COLEC12: variants seen among roughly 807,000 people sequenced by gnomAD.
The protein encoded by COLEC12 is collectin-12.
Under a neutral mutation model 71.1 loss-of-function variants are expected in COLEC12, and 33 were observed. The observed-to-expected ratio is 0.46, with a 90% confidence interval of 0.35 to 0.62. The LOEUF (loss-of-function observed/expected upper bound fraction) is 0.62. COLEC12 is among the 20% of genes least tolerant of loss of function. The pLI, the probability that COLEC12 is intolerant of heterozygous loss-of-function variation, is 0.00. For missense variants in COLEC12, 765 were observed against 916.1 expected (o/e 0.84, Z 2.13); for synonymous variants, 350 against 353.0 (o/e 0.99, Z 0.10).
At chr18:429,524 G>A (rs1249382105) in intron 2 of COLEC12, among the ~76,000 whole-genome samples, 2 of 152,056 alleles carry the variant, frequency 1.3e-5, no homozygotes, top group Admixed American at 1.3e-4. Flanking sequence ...TGGGATTACA[G>A]GTGCCTGCCA....
intron 1 of COLEC12, among the ~76,000 whole-genome samples, chr18:488,335 C>T (rs539571947): frequency 5.9e-5 from 9 of 151,388 alleles, no homozygotes; most frequent in South Asian, 2.1e-4. Flanking sequence ...CACTTGAACC[C>T]GGGAGGCGGA....
chr18:407,308 T>G (rs940206371), intron 2 of COLEC12, among the ~76,000 whole-genome samples: 2 of 152,108 alleles, frequency 1.3e-5, no homozygotes, highest in African/African-American at 2.4e-5. Context: ...ACAGAACCAA[T>G]AGGTAGTGTA....
At chr18:466,283 T>G (rs9946246) in intron 2 of COLEC12, among the ~76,000 whole-genome samples, 57,930 of 151,966 alleles carry the variant, frequency 0.38, 11,847 homozygotes, top group South Asian at 0.59. Context: ...AATGGTTACA[T>G]AGACCAACCC....
chr18:496,539 A>G (rs1261328667), intron 1 of COLEC12, among the ~76,000 whole-genome samples: 1 of 152,222 alleles, frequency 6.6e-6, no homozygotes, highest in Non-Finnish European at 1.5e-5. Flanking sequence ...AATTGCCTTT[A>G]TAGGCTTGTT....
intron 3 of COLEC12, among the ~76,000 whole-genome samples, chr18:350,229 C>G (rs1336084242): frequency 2.0e-5 from 3 of 152,172 alleles, no homozygotes; most frequent in African/African-American, 7.2e-5. Flanking sequence ...ATACTGTTCT[C>G]ATGGTAGTGA....
rs192731846 is a variant in COLEC12, at chr18:476,568, C to G, written c.58+4139G>C. On this transcript the variant is annotated intron_variant, in intron 2 of 9. Transcript: ENST00000400256. ...AACCCATTGCGACCAATCAATGAAACAAAGTCAGTCTAGCGCCCCCGCCCC... is the reference window on the plus strand; with the variant it reads ...AACCCATTGCGACCAATCAATGAAAGAAAGTCAGTCTAGCGCCCCCGCCCC... Among the ~76,000 whole-genome samples the G allele has an allele frequency of 1.2e-4, 18 of 151,962 alleles. No homozygotes were observed. In the East Asian group the frequency reaches 3.5e-3, roughly 30 times the overall value.
intron 2 of COLEC12, among the ~76,000 whole-genome samples, chr18:401,434 G>A (rs1359480360): frequency 6.6e-6 from 1 of 152,216 alleles, no homozygotes; most frequent in Non-Finnish European, 1.5e-5. Flanking sequence ...CGTATTCCAA[G>A]GGAAACAGAC....
chr18:497,266 GA>G (rs1187981319), intron 1 of COLEC12, among the ~76,000 whole-genome samples: 151 of 152,314 alleles, frequency 9.9e-4, no homozygotes, highest in African/African-American at 3.5e-3. Flanking sequence ...ATCAGAATTA[GA>G]AAGTCACGTT....
intron 2 of COLEC12, among the ~76,000 whole-genome samples, chr18:441,496 A>G (rs1916534777): frequency 6.6e-6 from 1 of 152,094 alleles, no homozygotes; most frequent in Non-Finnish European, 1.5e-5. Flanking sequence ...ACAGCCTTGT[A>G]CTGTGCAGCG....
intron 2 of COLEC12, among the ~76,000 whole-genome samples, chr18:452,669 A>C (rs1204029485): frequency 6.6e-6 from 1 of 152,108 alleles, no homozygotes; most frequent in Non-Finnish European, 1.5e-5. Flanking sequence ...CCCCAACAAA[A>C]CCATAACTCT....
intron 3 of COLEC12, among the ~76,000 whole-genome samples, chr18:354,066 T>G (rs1325355307): frequency 6.6e-6 from 1 of 152,202 alleles, no homozygotes; most frequent in Non-Finnish European, 1.5e-5. Flanking sequence ...CCTAATTACC[T>G]TTAGAAGGTT....
intron 2 of COLEC12, among the ~76,000 whole-genome samples, chr18:430,768 T>A (rs1158019913): frequency 6.6e-6 from 1 of 152,174 alleles, no homozygotes; most frequent in Non-Finnish European, 1.5e-5. Flanking sequence ...TGTAAAGCCA[T>A]GGTCATATGA....
At chr18:497,382 G>GT (rs1177402801) in intron 1 of COLEC12, among the ~76,000 whole-genome samples, 10 of 130,654 alleles carry the variant, frequency 7.7e-5, no homozygotes, top group African/African-American at 2.1e-4. Context: ...CTAAAGAATG[G>GT]GGTGTGTGTG....
At chr18:449,310 A>G (rs1031714395) in intron 2 of COLEC12, among the ~76,000 whole-genome samples, 2 of 152,180 alleles carry the variant, frequency 1.3e-5, no homozygotes, top group African/African-American at 2.4e-5. Flanking sequence ...CTAGTGTGAG[A>G]GGTTATCTTT....
chr18:357,347 A>C (rs1567883090), intron 3 of COLEC12, 53 bp downstream of exon 3: 1 of 1,539,474 alleles, frequency 6.5e-7, no homozygotes, highest in Non-Finnish European at 8.7e-7. Flanking sequence ...CTCATGCTTA[A>C]ATTAATGAAG....
intron 2 of COLEC12, among the ~76,000 whole-genome samples, chr18:401,273 G>A (rs1449082531): frequency 8.5e-5 from 13 of 152,334 alleles, no homozygotes; most frequent in African/African-American, 3.1e-4. Context: ...TTATTCATGA[G>A]TGAAGTCAAA....
At chr18:351,866 G>T (rs2143488492) in intron 3 of COLEC12, among the ~76,000 whole-genome samples, 1 of 152,298 alleles carries the variant, frequency 6.6e-6, no homozygotes, top group African/African-American at 2.4e-5. Flanking sequence ...TTTTAGTAGA[G>T]ATGGGGTTTC....
At chr18:340,421 G>A (rs1914224689) in intron 5 of COLEC12, among the ~76,000 whole-genome samples, 2 of 152,114 alleles carry the variant, frequency 1.3e-5, no homozygotes, top group South Asian at 2.1e-4. Flanking sequence ...CCAGGCCCAC[G>A]GTTCTGGGAG....
chr18:415,371 C>T (rs1391246635), intron 2 of COLEC12, among the ~76,000 whole-genome samples: 2 of 152,120 alleles, frequency 1.3e-5, no homozygotes, highest in African/African-American at 4.8e-5. Context: ...ATCTCTTCTC[C>T]TAGGCCTAGG....
Sources: gnomAD v4.1 joint callset for allele counts (sites outside exome capture counted in the v4.1 genomes callset) on GRCh38, gnomAD v4.1.1 for gene constraint, MANE v1.5 for transcripts, NCBI Gene and HGNC (gene_info 2026-07-23, HGNC 2026-07-21) for gene names.